The following PCDHGA4 variants were observed in gnomAD, a reference collection of about 807,000 sequenced individuals.
The protein encoded by PCDHGA4 is protocadherin gamma-A4.
PCDHGA4 carries 38 observed loss-of-function variants against 54.6 expected under a neutral mutation model. The ratio of observed to expected loss-of-function variants is 0.70; its 90% confidence interval spans 0.54 to 0.91. PCDHGA4 has a LOEUF of 0.91. Ranked by LOEUF, PCDHGA4 falls within the 40% of genes least tolerant of loss-of-function variation. The probability of loss-of-function intolerance (pLI) is 0.00; values close to 1 mark genes in which losing one functional copy is unlikely to be tolerated. For missense variants in PCDHGA4, 1,298 were observed against 1,220.9 expected (o/e 1.06, Z -0.94); for synonymous variants, 511 against 512.9 (o/e 1.00, Z 0.05).
chr5:141,490,890 G>C lies in PCDHGA4; in HGVS notation c.2515-3917G>C, dbSNP rs751713801. The C allele has an allele frequency of 9.9e-6, 16 of 1,613,306 alleles. No homozygotes were observed. The South Asian group carries it at 1.2e-4, about 12-fold the overall frequency. On this transcript the variant is annotated intron_variant, in intron 1 of 3. Transcript: ENST00000571252. This position sits in a 1 kb window ranked among gnomAD's most constrained non-coding sequence, Gnocchi z 5.4. ...CCCCATTGCATGCCAACACATCTCT[G>C]CATGTGTTTGTCCTAGACGAGAATG...
chr5:141,394,501 T>C (rs768158418), intron 1 of PCDHGA4: 1 of 1,614,216 alleles, frequency 6.2e-7, no homozygotes, highest in Admixed American at 1.7e-5. Context: ...CCCGAGATCC[T>C]GTACCCCGCC....
chr5:141,491,438 G>T lies in PCDHGA4; in HGVS notation c.2515-3369G>T, dbSNP rs376927300. 3.7e-6 allele frequency: 6 copies of T among 1,613,948 alleles called. No homozygotes were observed. The African/African-American group carries it at 4.0e-5, about 11-fold the overall frequency. ...GGGGGTGGAGGGCAGTGCTGCAGGCGCCAGGACTCACCCTCCCCGGACTTC... is the reference window on the plus strand; with the variant it reads ...GGGGGTGGAGGGCAGTGCTGCAGGCTCCAGGACTCACCCTCCCCGGACTTC... On this transcript the variant is annotated intron_variant, in intron 1 of 3. Transcript: ENST00000571252. The surrounding 1 kb of genome is among the most constrained non-coding windows in gnomAD (Gnocchi z 6.9).
intron 1 of PCDHGA4, chr5:141,376,548 T>A: frequency 6.2e-7 from 1 of 1,612,424 alleles, no homozygotes; most frequent in South Asian, 1.1e-5. Flanking sequence ...TAATCTGATC[T>A]TCCCGCAACC....
At chr5:141,438,248 C>A (rs1370527448) in intron 1 of PCDHGA4, among the ~76,000 whole-genome samples, 1 of 151,970 alleles carries the variant, frequency 6.6e-6, no homozygotes, top group Non-Finnish European at 1.5e-5. Flanking sequence ...AAAAAACTGT[C>A]ATTGAAGAGA....
Position 141,489,653 on chromosome 5 carries a change from G to C in PCDHGA4, c.2515-5154G>C. ...TCTCCTAGCTTTGCCACCCCTGAGCGAGAGATGCGCATCTCAGAATCAGCA... is the reference window on the plus strand; with the variant it reads ...TCTCCTAGCTTTGCCACCCCTGAGCCAGAGATGCGCATCTCAGAATCAGCA... On this transcript the variant is annotated intron_variant, in intron 1 of 3. Coordinates refer to ENST00000571252, the MANE Select transcript of PCDHGA4 (RefSeq NM_018917.4). The surrounding 1 kb of genome is among the most constrained non-coding windows in gnomAD (Gnocchi z 4.5). 3 of 1,614,164 alleles carry C rather than the reference G, an allele frequency of 1.9e-6. No individual in the cohort carries two copies. The highest frequency in any genetic ancestry group is 2.5e-6 in the Non-Finnish European group (3 of 1,180,018).
intron 1 of PCDHGA4, among the ~76,000 whole-genome samples, chr5:141,358,590 C>T (rs1250031293): frequency 1.3e-5 from 2 of 152,218 alleles, no homozygotes; most frequent in Non-Finnish European, 2.9e-5. Flanking sequence ...TCCTCTGGTG[C>T]ACTCCTGTGA....
chr5:141,414,822 C>G, intron 1 of PCDHGA4: 3 of 1,614,240 alleles, frequency 1.9e-6, no homozygotes, highest in Non-Finnish European at 2.5e-6. Flanking sequence ...TCAGCAGCAA[C>G]GTGTCGTTGA....
intron 1 of PCDHGA4, chr5:141,374,290 A>G: frequency 6.2e-7 from 1 of 1,613,934 alleles, no homozygotes; most frequent in South Asian, 1.1e-5. Context: ...TCGTCTCCAG[A>G]GGTAGGATGC....
intron 1 of PCDHGA4, chr5:141,421,219 G>T (rs894586889): frequency 1.0e-5 from 16 of 1,573,208 alleles, no homozygotes; most frequent in Non-Finnish European, 1.3e-5. Context: ...TATCGGCTTA[G>T]AGCCTGCCAT....
rs1304554303 is a variant in PCDHGA4, at chr5:141,403,611, C to G, written c.2514+45990C>G. 3 of 1,613,860 alleles carry G rather than the reference C, an allele frequency of 1.9e-6. No homozygotes were observed. The highest frequency in any genetic ancestry group is 2.5e-6 in the Non-Finnish European group (3 of 1,179,892). Reference sequence around the variant, plus strand: ...CTCACGGCCTCGGATGGCGGCGAGCCGCGTCGCTCCAGCACAGTGCGCATC... The same window carrying G: ...CTCACGGCCTCGGATGGCGGCGAGCGGCGTCGCTCCAGCACAGTGCGCATC... On this transcript the variant is annotated intron_variant, in intron 1 of 3. Transcript: ENST00000571252.
At chr5:141,383,109 T>C (rs562167618) in intron 1 of PCDHGA4, 78 of 1,613,790 alleles carry the variant, frequency 4.8e-5, no homozygotes, top group Non-Finnish European at 6.3e-5. Flanking sequence ...TCTCCAGAGG[T>C]AGGACGCAGC....
At chr5:141,373,229 A>C (rs941177727) in intron 1 of PCDHGA4, among the ~76,000 whole-genome samples, 5 of 152,240 alleles carry the variant, frequency 3.3e-5, no homozygotes, top group Non-Finnish European at 7.3e-5. Flanking sequence ...CCTGTATATA[A>C]TATTTTTACT....
At chr5:141,361,999 C>A in intron 1 of PCDHGA4, 9 of 1,603,024 alleles carry the variant, frequency 5.6e-6, no homozygotes, top group Non-Finnish European at 5.9e-6. Context: ...CCTGGGGTTG[C>A]GCACGGGTGA....
At chr5:141,420,086 TAC>T (rs1396904191) in intron 1 of PCDHGA4, 2 of 1,614,002 alleles carry the variant, frequency 1.2e-6, no homozygotes, top group Non-Finnish European at 1.7e-6. Context: ...TCCCCCCAAC[TAC>T]AGTGAGGGAA....
intron 3 of PCDHGA4, among the ~76,000 whole-genome samples, chr5:141,505,981 A>G (rs1285802357): frequency 6.6e-6 from 1 of 151,898 alleles, no homozygotes; most frequent in Non-Finnish European, 1.5e-5. Context: ...CCGAGAGAAC[A>G]CCTCCTCTTT....
intron 1 of PCDHGA4, among the ~76,000 whole-genome samples, chr5:141,439,259 G>A (rs1172204848): frequency 6.6e-6 from 1 of 151,900 alleles, no homozygotes; most frequent in African/African-American, 2.4e-5. Context: ...TGAAGATTCA[G>A]CCAACAGTTC....
At chr5:141,364,193 A>G (rs1588593751) in intron 1 of PCDHGA4, 1 of 1,067,164 alleles carries the variant, frequency 9.4e-7, no homozygotes, top group Non-Finnish European at 1.3e-6. Flanking sequence ...TACTAAACAC[A>G]CAGACCAGAC....
intron 1 of PCDHGA4, chr5:141,362,547 T>C (rs1392126264): frequency 6.2e-7 from 1 of 1,613,406 alleles, no homozygotes; most frequent in Non-Finnish European, 8.5e-7. Context: ...CCTCAGATAC[T>C]ATTTTGAAGG....
At position 141,376,180 on chromosome 5, in the gene PCDHGA4, G is replaced by C. The variant is rs113596971; in HGVS notation, c.2514+18559G>C. On this transcript the variant is annotated intron_variant, in intron 1 of 3. Transcript: ENST00000571252. Reference sequence around the variant, plus strand: ...TGTACCTGGTGGTGGCGGTGGCCGCGGTCTCCTGCGTCTTCCTGGCCTTCG... The same window carrying C: ...TGTACCTGGTGGTGGCGGTGGCCGCCGTCTCCTGCGTCTTCCTGGCCTTCG... The C allele has an allele frequency of 1.9e-3, 3,099 of 1,614,100 alleles. 61 individuals are homozygous for C. The African/African-American group carries it at 0.034, about 18-fold the overall frequency.
Sources: allele counts gnomAD v4.1 joint callset (sites outside exome capture counted in the v4.1 genomes callset), GRCh38; gene constraint gnomAD v4.1.1; non-coding constraint Gnocchi (gnomAD v3.1); transcripts MANE v1.5; gene names NCBI Gene and HGNC (gene_info 2026-07-23, HGNC 2026-07-21).